ZNF234: variants seen among roughly 807,000 people sequenced by gnomAD.
ZNF234 encodes the protein C2-H2 type zinc finger protein.
In ZNF234, 4 loss-of-function variants were observed where a neutral mutation model predicts 10.3. The ratio of observed to expected loss-of-function variants is 0.39; its 90% CI spans 0.19 to 0.89. The LOEUF (loss-of-function observed/expected upper bound fraction) is 0.89. Ranked by LOEUF, ZNF234 falls within the 40% of genes least tolerant of loss-of-function variation. ZNF234 has a pLI of 0.38. For synonymous variants in ZNF234, 258 were observed against 280.1 expected, an observed-to-expected ratio of 0.92 and a Z score of 0.79; for missense variants, 711 against 836.1, an observed-to-expected ratio of 0.85 and a Z score of 1.85.
In ZNF234 at chr19:44,158,053, T is replaced by G. The variant is rs1968952427; in HGVS notation, c.2037T>G (p.Phe679Leu). ...SHHKIHAAGT[F>L]YENDENSKNI... ...ACAAAATTCATGCTGCTGGTACATT[T>G]TATGAAAATGATGAGAATAGTAAGA... Residue 679 changes from phenylalanine (F) to leucine (L), a missense_variant, in exon 6 of 6, where the codon TTT (phenylalanine) becomes TTG (leucine). By Grantham distance (22) the Phe-to-Leu change is conservative (BLOSUM62 0). Coordinates refer to ENST00000426739, the MANE Select transcript of ZNF234 (RefSeq NM_006630.3). 1.2e-6 allele frequency: 2 copies of G among 1,613,524 alleles called. No homozygotes were observed. The highest frequency in any genetic ancestry group is 4.5e-5 in the East Asian group (2 of 44,874).
chr19:44,142,653 G>A (rs1409667881), intron 2 of ZNF234, among the ~76,000 whole-genome samples: 1 of 152,194 alleles, frequency 6.6e-6, no homozygotes, highest in Non-Finnish European at 1.5e-5. Context: ...CTGTACTCAG[G>A]TGGGGAAAGT....
intron 2 of ZNF234, 22 bp from the exon 3 acceptor site, chr19:44,144,535 T>C: frequency 1.7e-6 from 2 of 1,151,542 alleles, no homozygotes; most frequent in Non-Finnish European, 2.3e-6. Flanking sequence ...CGCTTTCATG[T>C]CTCTTTTTGT....
intron 3 of ZNF234, among the ~76,000 whole-genome samples, chr19:44,145,526 G>A (rs972495212): frequency 8.5e-5 from 13 of 152,176 alleles, no homozygotes; most frequent in African/African-American, 2.9e-4. Context: ...CCGAGAAGCT[G>A]GGATTACAGG....
chr19:44,157,401 G>C lies in ZNF234; in HGVS notation c.1385G>C (p.Gly462Ala). The C allele has an allele frequency of 6.2e-7, 1 of 1,613,932 alleles. No individual in the cohort carries two copies. Among genetic ancestry groups the C allele is most frequent in the Non-Finnish European group, 8.5e-7 (1 of 1,179,884 alleles). ...VQKPFKCEEC[G>A]QGFNQSSRLQ... ...AAACCTTTTAAGTGTGAAGAGTGTG[G>C]GCAGGGCTTCAATCAGAGCTCACGA... Residue 462 changes from glycine (G) to alanine (A), a missense_variant, in exon 6 of 6, where the codon GGG becomes GCG. Transcript: ENST00000426739.
Position 44,158,323 on chromosome 19 carries a change from T to A in ZNF234, c.*204T>A, listed in dbSNP as rs545039214. 1.7e-6 allele frequency: 1 copy of A among 589,294 alleles called. No homozygotes were observed. The highest frequency in any genetic ancestry group is 1.7e-5 in the South Asian group (1 of 58,100). 36.5% of individuals were successfully genotyped at this position (589,294 alleles called of 1,614,324 possible). A position where few individuals can be genotyped will look rare whatever the true frequency, so the allele number is the denominator to read the frequency against. ...GCCCATGCTGGATGCAGTGGTGCTA[T>A]CTCAGCTCACTGTAACCTCCACTTC... On this transcript the variant is annotated 3_prime_UTR_variant, in exon 6 of 6. Transcript: ENST00000426739.
chr19:44,156,791 C>A lies in ZNF234; in HGVS notation c.775C>A (p.Pro259Thr), dbSNP rs748927154. The A allele has an allele frequency of 6.2e-7, 1 of 1,609,208 alleles. No homozygotes were observed. The highest frequency in any genetic ancestry group is 1.1e-5 in the South Asian group (1 of 90,740). ...VHCKLHSGEKPYNCEECGRAF... is the reference protein window; with the variant it reads ...VHCKLHSGEKTYNCEECGRAF... ...TTGCAAATTACACTCAGGAGAGAAA[C>A]CTTACAATTGTGAGGAATGTGGAAG... Residue 259 changes from proline (P) to threonine (T), a missense_variant, in exon 6 of 6, where the codon CCT (proline) becomes ACT (threonine). Pro to Thr is a conservative substitution (Grantham distance 38, BLOSUM62 -1). Transcript: ENST00000426739.
At chr19:44,155,932 T>A (rs1696643519) in intron 5 of ZNF234, among the ~76,000 whole-genome samples, 1 of 152,210 alleles carries the variant, frequency 6.6e-6, no homozygotes, top group South Asian at 2.1e-4. Context: ...TACTATTTAT[T>A]ATTCTACACT....
In ZNF234 at chr19:44,156,447, G is replaced by A. The variant is rs1397433919; in HGVS notation, c.431G>A (p.Gly144Glu). The stretch of plus-strand genomic sequence containing the variant: ...GCAGGACTATATACAACTCACACAG[G>A]ACAGAAATTTTACCAATGTGATGAG... Reference protein sequence around the residue: ...VRAGLYTTHTGQKFYQCDEYK... With the variant: ...VRAGLYTTHTEQKFYQCDEYK... Residue 144 changes from glycine (G) to glutamate (E), a missense_variant, in exon 6 of 6, where the codon GGA becomes GAA. Transcript: ENST00000426739. The A allele has an allele frequency of 6.2e-7, 1 of 1,613,550 alleles. No individual in the cohort carries two copies. The highest frequency in any genetic ancestry group is 1.1e-5 in the South Asian group (1 of 91,012).
chr19:44,154,658 A>G (rs146227366), intron 5 of ZNF234, among the ~76,000 whole-genome samples: 1,623 of 144,024 alleles, frequency 0.011, 31 homozygotes, highest in African/African-American at 0.04. Flanking sequence ...TTTGAGACAA[A>G]GTCTCACTGT....
intron 3 of ZNF234, among the ~76,000 whole-genome samples, chr19:44,145,768 T>G (rs937842127): frequency 2.6e-5 from 4 of 152,254 alleles, no homozygotes; most frequent in Non-Finnish European, 5.9e-5. Context: ...GTTGGAGTTT[T>G]CATATAGGAA....
chr19:44,151,394 G>A (rs1338992416), intron 5 of ZNF234, among the ~76,000 whole-genome samples: 1 of 152,018 alleles, frequency 6.6e-6, no homozygotes, highest in Non-Finnish European at 1.5e-5. Context: ...ATAGAGACAG[G>A]GTTTCACCAT....
At chr19:44,149,042 A>T in intron 4 of ZNF234, 145 bp downstream of exon 4, 1 of 992,938 alleles carries the variant, frequency 1.0e-6, no homozygotes, top group Non-Finnish European at 1.5e-6. Flanking sequence ...GTGAAATAAA[A>T]TGAGATAGAA....
At chr19:44,144,979 A>G (rs913698376) in intron 3 of ZNF234, among the ~76,000 whole-genome samples, 1 of 152,148 alleles carries the variant, frequency 6.6e-6, no homozygotes, top group African/African-American at 2.4e-5. Context: ...GAACCCATGG[A>G]TGTGGAGGGC....
At position 44,156,844 on chromosome 19, in the gene ZNF234, G is replaced by C. The variant is rs142498461; in HGVS notation, c.828G>C (p.Gln276His). 7.8e-5 allele frequency: 126 copies of C among 1,609,814 alleles called. No individual in the cohort carries two copies. In the East Asian group the frequency reaches 2.7e-3, roughly 35 times the overall value. ...GRAFIHASHL[Q>H]EHQRIHTGEK... The stretch of plus-strand genomic sequence containing the variant: ...CCTTCATACATGCTTCCCATCTTCA[G>C]GAACATCAGAGAATTCATACTGGGG... The change falls in exon 6 of 6, where the codon CAG (glutamine) becomes CAC (histidine). Residue 276 changes from glutamine (Q) to histidine (H), a missense_variant. Gln to His is a conservative substitution (Grantham distance 24). Coordinates refer to ENST00000426739, the MANE Select transcript of ZNF234 (RefSeq NM_006630.3).
intron 3 of ZNF234, 83 bp from the exon 4 acceptor site, chr19:44,148,688 C>G: frequency 6.3e-7 from 1 of 1,590,694 alleles, no homozygotes; most frequent in Non-Finnish European, 8.6e-7. Flanking sequence ...CCAGCTCCCC[C>G]TACATACTCT....
intron 2 of ZNF234, among the ~76,000 whole-genome samples, chr19:44,143,616 G>GAAA (rs61062157): frequency 3.6e-5 from 4 of 111,926 alleles, no homozygotes; most frequent in Non-Finnish European, 8.0e-5. Context: ...CTCAGAAAAA[G>GAAA]AAAAAAAAAA....
rs576130935 is a variant in ZNF234, at chr19:44,155,755, A to AT, written c.236-488dup. Among the ~76,000 whole-genome samples, 62 of 151,348 alleles carry AT rather than the reference A, an allele frequency of 4.1e-4. 1 individual carries two copies. Among genetic ancestry groups the AT allele is most frequent in the South Asian group, 2.5e-3 (12 of 4,782 alleles). On this transcript the variant is annotated intron_variant, in intron 5 of 5. Coordinates refer to ENST00000426739, the MANE Select transcript of ZNF234 (RefSeq NM_006630.3). Reference sequence around the variant, plus strand: ...GTTCTTGTTGATTTATATTATCTACATTTTTTTTTAACTTTTAATATTTTT... The same window carrying AT: ...GTTCTTGTTGATTTATATTATCTACATTTTTTTTTTAACTTTTAATATTTTT...
intron 5 of ZNF234, among the ~76,000 whole-genome samples, chr19:44,151,061 C>A (rs541054362): frequency 6.6e-5 from 10 of 151,726 alleles, no homozygotes; most frequent in South Asian, 2.1e-4. Context: ...TGAATGGCTT[C>A]TTATTTTTCT....
Position 44,157,317 on chromosome 19 carries a change from G to GT in ZNF234, c.1302dup (p.Lys435Ter). On this transcript the variant is annotated frameshift_variant, in exon 6 of 6. Coordinates refer to ENST00000426739, the MANE Select transcript of ZNF234 (RefSeq NM_006630.3). LOFTEE classifies it low-confidence loss of function (END_TRUNC). ...AAACCCTATAAATGTGAAGTATGTG[G>GT]TAAAGCCTTCCGTCAGAGTTCATAT... is the stretch of plus-strand genomic sequence containing the variant. 6.2e-7 allele frequency: 1 copy of GT among 1,613,962 alleles called. No homozygotes were observed. The highest frequency in any genetic ancestry group is 8.5e-7 in the Non-Finnish European group (1 of 1,179,896).
Sources: allele counts gnomAD v4.1 joint callset (sites outside exome capture counted in the v4.1 genomes callset), GRCh38; gene constraint gnomAD v4.1.1; transcripts MANE v1.5; gene names NCBI Gene and HGNC (gene_info 2026-07-23, HGNC 2026-07-21).